MS4A1: variants seen among roughly 807,000 people sequenced by gnomAD.
MS4A1 encodes the protein B-lymphocyte antigen CD20.
A neutral mutation model predicts 26.5 loss-of-function variants in MS4A1; 16 were observed. The observed-to-expected ratio is 0.60, with a 90% confidence interval of 0.41 to 0.92. The LOEUF is 0.92. Among genes scored for constraint, MS4A1 ranks in the 40% least tolerant of loss-of-function variants. The probability of loss-of-function intolerance (pLI) is 0.00; values close to 1 mark genes in which losing one functional copy is unlikely to be tolerated. For missense variants in MS4A1, 350 were observed against 353.0 expected (o/e 0.99, Z 0.07); for synonymous variants, 128 against 117.6 (o/e 1.09, Z -0.57).
intron 4 of MS4A1, chr11:60,463,826 C>G (rs757430974): frequency 2.2e-6 from 1 of 455,390 alleles, no homozygotes; most frequent in Non-Finnish European, 4.4e-6. Context: ...CCAATGTTTT[C>G]ATGGAGTGCC....
chr11:60,468,459 C>T lies in MS4A1; in HGVS notation c.885C>T (p.Ser295=). The change falls in exon 8 of 8, where the codon AGC becomes AGT. Residue 295 remains serine (S), a synonymous_variant. Transcript: ENST00000345732. ...DQESSPIEND[S]SP Reference sequence around the variant, plus strand: ...AATCCTCACCAATAGAAAATGACAGCTCTCCTTAAGTGATTTCTTCTGTTT... The same window carrying T: ...AATCCTCACCAATAGAAAATGACAGTTCTCCTTAAGTGATTTCTTCTGTTT... The T allele has an allele frequency of 6.2e-7, 1 of 1,613,874 alleles. No individual in the cohort carries two copies. The highest frequency in any genetic ancestry group is 1.1e-5 in the South Asian group (1 of 91,064).
At chr11:60,466,609 G>T in intron 6 of MS4A1, 1 of 346,268 alleles carries the variant, frequency 2.9e-6, no homozygotes, top group Non-Finnish European at 5.4e-6. Context: ...TCCCAAGGAT[G>T]AAGAGGTCTC....
At chr11:60,467,180 A>T (rs752013885) in intron 7 of MS4A1, 120 bp downstream of exon 7, 5 of 859,200 alleles carry the variant, frequency 5.8e-6, no homozygotes, top group Non-Finnish European at 9.6e-6. Flanking sequence ...TAAAAAAAAA[A>T]ATTGGTCTTG....
chr11:60,464,183 GCTTCTTTCTGAC>G, intron 4 of MS4A1, 93 bp from the exon 5 acceptor site: 1 of 805,914 alleles, frequency 1.2e-6, no homozygotes, highest in South Asian at 1.5e-5. Context: ...GAAAGTGTAG[GCTTCTTTCTGAC>G]CAGTTATCAA....
chr11:60,466,098 C>A lies in MS4A1; in HGVS notation c.514C>A (p.Pro172Thr). 6.2e-7 allele frequency: 1 copy of A among 1,613,886 alleles called. No homozygotes were observed. The highest frequency in any genetic ancestry group is 8.5e-7 in the Non-Finnish European group (1 of 1,179,806). ...INIYNCEPAN[P>T]SEKNSPSTQY... is the part of the protein sequence containing the mutation. ...CATATACAACTGTGAACCAGCTAAT[C>A]CCTCTGAGAAAAACTCCCCATCTAC... The change falls in exon 6 of 8, where the codon CCC (proline) becomes ACC (threonine). Residue 172 changes from proline to threonine, a missense_variant. Pro to Thr is a conservative substitution (Grantham distance 38). Coordinates refer to ENST00000345732, the MANE Select transcript of MS4A1 (RefSeq NM_152866.3).
At position 60,468,531 on chromosome 11, in the gene MS4A1, T is replaced by C; in HGVS notation, c.*63T>C. 2 of 1,496,704 alleles carry C rather than the reference T, an allele frequency of 1.3e-6. No individual in the cohort carries two copies. The highest frequency in any genetic ancestry group is 1.9e-6 in the Non-Finnish European group (2 of 1,080,212). The allele number at this position is 1,496,704 out of a possible 1,614,324, so 92.7% of individuals were successfully genotyped here. A position where few individuals can be genotyped will look rare whatever the true frequency, so the allele number is the denominator to read the frequency against. On this transcript the variant is annotated 3_prime_UTR_variant, in exon 8 of 8. Transcript: ENST00000345732. ...TAGTGTTCATAGCTTCCAAGAGACA[T>C]GCTGACTTTCATTTCTTGAGGTACT...
chr11:60,463,650 T>C (rs2086266940), intron 4 of MS4A1: 1 of 372,386 alleles, frequency 2.7e-6, no homozygotes, highest in Non-Finnish European at 5.6e-6. Context: ...GACAGTGATG[T>C]TTATTTCCCC....
rs764947760 is a variant in MS4A1 at position 60,462,280 on chromosome 11, T to C, written c.-95T>C. The C allele has an allele frequency of 3.8e-6, 5 of 1,324,396 alleles. No homozygotes were observed. The highest frequency in any genetic ancestry group is 3.4e-5 in the Admixed American group (2 of 58,258). The allele number at this position is 1,324,396 out of a possible 1,614,324, so 82.0% of individuals were successfully genotyped here. On this transcript the variant is annotated 5_prime_UTR_variant, in exon 3 of 8. Transcript: ENST00000345732. The stretch of plus-strand genomic sequence containing the variant: ...CATGGAGGAAATGCTGAGAGAAGCA[T>C]TCAGATGCATGACACAAGGTAAGAC...
chr11:60,465,327 A>T (rs2086282176), intron 5 of MS4A1, among the ~76,000 whole-genome samples: 1 of 152,210 alleles, frequency 6.6e-6, no homozygotes, highest in African/African-American at 2.4e-5. Flanking sequence ...ATCAGCCCTA[A>T]TTGTATTTTG....
chr11:60,465,041 T>C (rs2086279557), intron 5 of MS4A1, among the ~76,000 whole-genome samples: 1 of 152,176 alleles, frequency 6.6e-6, no homozygotes, highest in African/African-American at 2.4e-5. Flanking sequence ...AATGGGTGGA[T>C]TGAGATGGTT....
chr11:60,462,241 C>A lies in MS4A1; in HGVS notation c.-134C>A. The A allele has an allele frequency of 1.1e-6, 1 of 949,352 alleles. No individual in the cohort carries two copies. 58.8% of individuals were successfully genotyped at this position (949,352 alleles called of 1,614,324 possible). On this transcript the variant is annotated 5_prime_UTR_variant, in exon 3 of 8. Coordinates refer to ENST00000345732, the MANE Select transcript of MS4A1 (RefSeq NM_152866.3). ...GGTCACTCGGAAGAGGCCATGTCTA[C>A]CCTCAATGACACTCATGGAGGAAAT...
chr11:60,464,044 C>G, intron 4 of MS4A1: 1 of 562,392 alleles, frequency 1.8e-6, no homozygotes, highest in South Asian at 2.2e-5. Context: ...TATTCCTAGT[C>G]ACAGATCCCC....
At position 60,470,524 on chromosome 11, in the gene MS4A1, G is replaced by A. The variant is rs191400286; in HGVS notation, c.*2056G>A. 9 of 151,930 alleles carry A rather than the reference G, an allele frequency of 5.9e-5. No homozygotes were observed. In the East Asian group the frequency reaches 1.2e-3, roughly 20 times the overall value. 9.4% of individuals were successfully genotyped at this position (151,930 alleles called of 1,614,324 possible). A position where few individuals can be genotyped will look rare whatever the true frequency, so the allele number is the denominator to read the frequency against. ...GACCTCACATAACTCCTTATAATAG[G>A]AGACATCTTTAATGTCTGCTATTAA... On this transcript the variant is annotated 3_prime_UTR_variant, in exon 8 of 8. Coordinates refer to ENST00000345732, the MANE Select transcript of MS4A1 (RefSeq NM_152866.3).
At chr11:60,468,042 C>T (rs2086309153) in intron 7 of MS4A1, among the ~76,000 whole-genome samples, 1 of 152,062 alleles carries the variant, frequency 6.6e-6, no homozygotes, top group Non-Finnish European at 1.5e-5. Flanking sequence ...ATGTCTGCTG[C>T]CCTTGAAGAT....
intron 5 of MS4A1, 86 bp from the exon 6 acceptor site, chr11:60,465,834 AG>A: frequency 1.0e-6 from 1 of 993,948 alleles, no homozygotes; most frequent in South Asian, 1.3e-5. Context: ...TTTGTGAGTC[AG>A]GGCAGTTGCA....
At chr11:60,457,090 A>C (rs2086210486) in intron 1 of MS4A1, among the ~76,000 whole-genome samples, 1 of 152,202 alleles carries the variant, frequency 6.6e-6, no homozygotes, top group Non-Finnish European at 1.5e-5. Context: ...AAGGAAAGCA[A>C]AGAGCTAGGA....
intron 7 of MS4A1, among the ~76,000 whole-genome samples, chr11:60,467,784 T>C (rs2135204519): frequency 6.6e-6 from 1 of 152,130 alleles, no homozygotes; most frequent in East Asian, 1.9e-4. Flanking sequence ...GCTCCACAAA[T>C]GGGAAATAAA....
chr11:60,460,291 G>A (rs1332541369), intron 1 of MS4A1, among the ~76,000 whole-genome samples: 5 of 152,082 alleles, frequency 3.3e-5, no homozygotes, highest in African/African-American at 4.8e-5. Flanking sequence ...TATGTAACTT[G>A]GCACAAGTAA....
intron 4 of MS4A1, chr11:60,463,761 G>A (rs1296634191): frequency 4.4e-6 from 2 of 455,094 alleles, no homozygotes; most frequent in Non-Finnish European, 8.9e-6. Context: ...CCATTCTACA[G>A]CCTGAATGTG....
Sources: allele counts gnomAD v4.1 joint callset (sites outside exome capture counted in the v4.1 genomes callset), GRCh38; gene constraint gnomAD v4.1.1; transcripts MANE v1.5; gene names NCBI Gene and HGNC (gene_info 2026-07-23, HGNC 2026-07-21).